DRC9: variants seen among roughly 807,000 people sequenced by gnomAD.
DRC9 encodes the protein dynein regulatory complex protein 9.
chr3:197,954,039 C>T, the DRC9 span: 1 of 1,613,688 alleles, frequency 6.2e-7, no homozygotes, highest in Non-Finnish European at 8.5e-7. Flanking sequence ...CAAACAAAAC[C>T]AGAGTCATCT....
At chr3:197,954,741 C>G in the DRC9 span, among the ~76,000 whole-genome samples, 3 of 152,136 alleles carry the variant, frequency 2.0e-5, no homozygotes, top group Non-Finnish European at 2.9e-5. Context: ...CTCCTGAGCC[C>G]AAGTGATCTG....
the DRC9 span, among the ~76,000 whole-genome samples, chr3:197,929,027 G>A: frequency 6.6e-5 from 10 of 152,216 alleles, no homozygotes; most frequent in Non-Finnish European, 1.3e-4. This position sits in a 1 kb window ranked among gnomAD's most constrained non-coding sequence, Gnocchi z 4.6. Flanking sequence ...CCTCTCGGGA[G>A]ATCATGGGTG....
At chr3:197,931,750 A>G in the DRC9 span, among the ~76,000 whole-genome samples, 1 of 151,742 alleles carries the variant, frequency 6.6e-6, no homozygotes, top group Non-Finnish European at 1.5e-5. Flanking sequence ...TTGGCCTCCC[A>G]AGTAGCTGGG....
At chr3:197,929,193 C>G in the DRC9 span, among the ~76,000 whole-genome samples, 4 of 152,174 alleles carry the variant, frequency 2.6e-5, no homozygotes, top group Non-Finnish European at 5.9e-5. This position sits in a 1 kb window ranked among gnomAD's most constrained non-coding sequence, Gnocchi z 4.6. Flanking sequence ...GTTTCCCCAG[C>G]CTTTCCCTGG....
the DRC9 span, among the ~76,000 whole-genome samples, chr3:197,910,992 A>C: frequency 1.3e-5 from 2 of 151,776 alleles, no homozygotes; most frequent in East Asian, 1.9e-4. Context: ...CAAAAAAAAA[A>C]AAAAAAAGAA....
the DRC9 span, among the ~76,000 whole-genome samples, chr3:197,915,564 C>T: frequency 6.6e-6 from 1 of 152,196 alleles, no homozygotes; most frequent in African/African-American, 2.4e-5. Flanking sequence ...CAAACAAGCA[C>T]ACGACTAGCA....
the DRC9 span, chr3:197,954,331 T>G: frequency 1.5e-6 from 1 of 681,380 alleles, no homozygotes; most frequent in Non-Finnish European, 2.5e-6. Flanking sequence ...GGTTGTTTGT[T>G]TTTTGTTTTT....
the DRC9 span, among the ~76,000 whole-genome samples, chr3:197,932,865 GTATAATATATATTATATATGTATAA>G: frequency 7.4e-6 from 1 of 134,652 alleles, no homozygotes. Context: ...CATTATATAT[GTATAATATATATTATATATGTATAA>G]TATATGTATT....
the DRC9 span, among the ~76,000 whole-genome samples, chr3:197,922,794 A>C: frequency 6.6e-6 from 1 of 151,866 alleles, no homozygotes; most frequent in Non-Finnish European, 1.5e-5. Context: ...TCTATAAGAT[A>C]ATGTCAAAAG....
chr3:197,925,744 C>T, the DRC9 span, among the ~76,000 whole-genome samples: 5 of 151,874 alleles, frequency 3.3e-5, no homozygotes, highest in South Asian at 2.1e-4. Flanking sequence ...CCACCATACC[C>T]GGCTAATTTT....
the DRC9 span, chr3:197,932,087 G>T: frequency 7.0e-7 from 1 of 1,428,994 alleles, no homozygotes; most frequent in Non-Finnish European, 9.6e-7. Context: ...CACACGGTTG[G>T]TTTGCTTTAA....
the DRC9 span, among the ~76,000 whole-genome samples, chr3:197,925,001 G>A: frequency 1.3e-5 from 2 of 152,100 alleles, no homozygotes; most frequent in Admixed American, 6.5e-5. Context: ...ACAAAAGCTC[G>A]CAAATCCACT....
the DRC9 span, chr3:197,950,242 T>A: frequency 8.1e-7 from 1 of 1,230,782 alleles, no homozygotes; most frequent in Non-Finnish European, 1.0e-6. Flanking sequence ...GGTCTGCTGC[T>A]GAAATTTGGG....
the DRC9 span, among the ~76,000 whole-genome samples, chr3:197,912,087 C>T: frequency 6.6e-6 from 1 of 151,974 alleles, no homozygotes; most frequent in Non-Finnish European, 1.5e-5. Context: ...GTTGCCTAGG[C>T]TGGAGTACGG....
the DRC9 span, among the ~76,000 whole-genome samples, chr3:197,893,357 C>CAAAAAAAAA: frequency 4.6e-4 from 20 of 43,242 alleles, 2 homozygotes; most frequent in African/African-American, 2.0e-3. Context: ...AACTCCGTCT[C>CAAAAAAAAA]AAAAAAAAAA....
chr3:197,931,785 C>T, the DRC9 span, among the ~76,000 whole-genome samples: 4,575 of 151,808 alleles, frequency 0.03, 261 homozygotes, highest in African/African-American at 0.11. Context: ...CCACCACGCC[C>T]GGCTAATTTT....
the DRC9 span, among the ~76,000 whole-genome samples, chr3:197,928,991 C>T: frequency 1.3e-5 from 2 of 152,276 alleles, no homozygotes; most frequent in East Asian, 1.9e-4. Context: ...CTTCCCCAGC[C>T]CTGTGGCCAG....
the DRC9 span, among the ~76,000 whole-genome samples, chr3:197,924,308 G>C: frequency 6.8e-6 from 1 of 147,780 alleles, no homozygotes; most frequent in African/African-American, 2.5e-5. Context: ...TCAGTGAGCC[G>C]AAATTGTGCC....
the DRC9 span, among the ~76,000 whole-genome samples, chr3:197,941,208 C>T: frequency 7.0e-6 from 1 of 143,012 alleles, no homozygotes; most frequent in African/African-American, 2.6e-5. Flanking sequence ...CTCTTTCTTT[C>T]CCTTCCTTCC....
Sources: gnomAD v4.1 joint callset for allele counts (sites outside exome capture counted in the v4.1 genomes callset) on GRCh38, gnomAD v4.1.1 for gene constraint, Gnocchi (gnomAD v3.1) non-coding constraint, MANE v1.5 for transcripts, NCBI Gene and HGNC (gene_info 2026-07-23, HGNC 2026-07-21) for gene names.